ATXN1: variants seen among roughly 807,000 people sequenced by gnomAD.
ATXN1 encodes the protein ataxin 1, also known as ataxin-1.
A neutral mutation model predicts 56.4 loss-of-function variants in ATXN1; 8 were observed. The observed-to-expected ratio is 0.14, with a 90% CI of 0.08 to 0.26. ATXN1 has a LOEUF of 0.26. ATXN1 is among the 10% of genes least tolerant of loss of function. The pLI is 1.00. For synonymous variants in ATXN1, 514 were observed against 494.6 expected (o/e 1.04, Z -0.52); for missense variants, 987 against 1,106.5 (o/e 0.89, Z 1.53).
At chr6:16,679,323 G>T (rs971948514) in intron 2 of ATXN1, among the ~76,000 whole-genome samples, 41 of 148,728 alleles carry the variant, frequency 2.8e-4, no homozygotes, top group Admixed American at 6.1e-4. Flanking sequence ...TGGATATATG[G>T]GTGGGTGGAT....
intron 4 of ATXN1, among the ~76,000 whole-genome samples, chr6:16,559,068 T>C (rs1390231467): frequency 6.6e-6 from 1 of 152,182 alleles, no homozygotes; most frequent in Non-Finnish European, 1.5e-5. Context: ...GAAACCCATA[T>C]TAAAGCTACT....
intron 4 of ATXN1, among the ~76,000 whole-genome samples, chr6:16,547,692 T>C (rs1761840260): frequency 6.6e-6 from 1 of 152,170 alleles, no homozygotes; most frequent in South Asian, 2.1e-4. Context: ...CCGGATATCT[T>C]TGGTGTTTCT....
intron 6 of ATXN1, among the ~76,000 whole-genome samples, chr6:16,384,463 A>T (rs1758196993): frequency 6.6e-6 from 1 of 152,214 alleles, no homozygotes; most frequent in African/African-American, 2.4e-5. Context: ...GTGATCACCA[A>T]CTGCCTACTA....
At chr6:16,504,739 C>T (rs551384765) in intron 5 of ATXN1, among the ~76,000 whole-genome samples, 45 of 152,226 alleles carry the variant, frequency 3.0e-4, no homozygotes, top group Non-Finnish European at 4.9e-4. Context: ...GACCTCTCCA[C>T]GGCGCTCAGC....
chr6:16,430,360 A>G (rs1016446136), intron 6 of ATXN1, among the ~76,000 whole-genome samples: 2 of 152,122 alleles, frequency 1.3e-5, no homozygotes, highest in African/African-American at 4.8e-5. Context: ...AAAGGGAAAG[A>G]AAAAGAACAC....
intron 6 of ATXN1, among the ~76,000 whole-genome samples, chr6:16,345,040 TTCTTA>T (rs1752390609): frequency 6.6e-6 from 1 of 152,232 alleles, no homozygotes; most frequent in African/African-American, 2.4e-5. Context: ...TTGGTTACTG[TTCTTA>T]TCTTGTGTCC....
chr6:16,504,511 C>G (rs764688996), intron 5 of ATXN1, among the ~76,000 whole-genome samples: 3 of 152,116 alleles, frequency 2.0e-5, no homozygotes, highest in South Asian at 2.1e-4. Context: ...AGTGACACTA[C>G]AGAAATCAAA....
At chr6:16,351,532 T>C (rs1333292300) in intron 6 of ATXN1, among the ~76,000 whole-genome samples, 1 of 152,084 alleles carries the variant, frequency 6.6e-6, no homozygotes, top group African/African-American at 2.4e-5. Context: ...CCTCTTGAGT[T>C]GCTGGGACTA....
At chr6:16,313,927 G>A (rs1385936427) in intron 7 of ATXN1, among the ~76,000 whole-genome samples, 2 of 152,118 alleles carry the variant, frequency 1.3e-5, no homozygotes, top group Admixed American at 6.5e-5. Flanking sequence ...TCACTTCAAA[G>A]GCTTCTCTTT....
At chr6:16,543,885 A>G (rs559203592) in intron 4 of ATXN1, among the ~76,000 whole-genome samples, 1 of 88,888 alleles carries the variant, frequency 1.1e-5, no homozygotes, top group East Asian at 4.8e-4. Context: ...CAACAAAAGT[A>G]ACAGGGTTGT....
intron 3 of ATXN1, among the ~76,000 whole-genome samples, chr6:16,636,941 T>C (rs1287057256): frequency 6.6e-6 from 1 of 152,198 alleles, no homozygotes; most frequent in Non-Finnish European, 1.5e-5. Context: ...AGTGTGGCGA[T>C]TCCTCAAGGA....
intron 7 of ATXN1, among the ~76,000 whole-genome samples, chr6:16,325,604 C>T (rs1199140306): frequency 6.6e-6 from 1 of 152,090 alleles, no homozygotes; most frequent in Non-Finnish European, 1.5e-5. Flanking sequence ...CCTGACCCAC[C>T]TGGGGCTTCC....
intron 6 of ATXN1, among the ~76,000 whole-genome samples, chr6:16,454,254 C>T (rs1759822181): frequency 6.6e-6 from 1 of 151,916 alleles, no homozygotes; most frequent in Non-Finnish European, 1.5e-5. Flanking sequence ...GACAAAATCC[C>T]TGCCATCAGA....
chr6:16,320,490 T>C (rs1305829875), intron 7 of ATXN1, among the ~76,000 whole-genome samples: 1 of 152,138 alleles, frequency 6.6e-6, no homozygotes, highest in Admixed American at 6.5e-5. Flanking sequence ...CCAGAGCACT[T>C]TACCAATACA....
At chr6:16,427,006 A>T (rs1480395093) in intron 6 of ATXN1, among the ~76,000 whole-genome samples, 2 of 151,964 alleles carry the variant, frequency 1.3e-5, no homozygotes, top group African/African-American at 4.8e-5. Context: ...CTCACCAATA[A>T]AGTCTATTCT....
chr6:16,440,648 A>AAAAAAAAAAAAAAAAAGAAAGAAAG (rs748929817), intron 6 of ATXN1, among the ~76,000 whole-genome samples: 327 of 118,408 alleles, frequency 2.8e-3, no homozygotes, highest in Middle Eastern at 3.9e-3. Flanking sequence ...CTTAAAAAAA[A>AAAAAAAAAAAAAAAAAGAAAGAAAG]AAAAGAAAAG....
chr6:16,531,205 G>A (rs903403825), intron 4 of ATXN1, among the ~76,000 whole-genome samples: 2 of 152,160 alleles, frequency 1.3e-5, no homozygotes, highest in African/African-American at 2.4e-5. Flanking sequence ...TCTACGTTTC[G>A]GGGCAGGTCC....
At chr6:16,420,883 T>C (rs1759018291) in intron 6 of ATXN1, among the ~76,000 whole-genome samples, 1 of 152,194 alleles carries the variant, frequency 6.6e-6, no homozygotes, top group Non-Finnish European at 1.5e-5. Flanking sequence ...AGACTTAAAC[T>C]GCTAAGAGAC....
rs1295594379 is a variant in ATXN1, at chr6:16,486,021, T to C, written c.-210A>G. 1.3e-5 allele frequency: 2 copies of C among 152,164 alleles called. No homozygotes were observed. The highest frequency in any genetic ancestry group is 2.1e-4 in the South Asian group (1 of 4,820). The allele number at this position is 152,164 out of a possible 1,614,324, so 9.4% of individuals were successfully genotyped here. On this transcript the variant is annotated 5_prime_UTR_variant, in exon 6 of 8. The change abolishes an upstream ATG in the 5' untranslated region. Coordinates refer to ENST00000436367, the MANE Select transcript of ATXN1 (RefSeq NM_001128164.2). ...GGTAGCCTCAGCCTATACTTCACCA[T>C]GGAGACTTCCCACAGGCTCTGGAGG...
Sources: allele counts gnomAD v4.1 joint callset (sites outside exome capture counted in the v4.1 genomes callset), GRCh38; gene constraint gnomAD v4.1.1; transcripts MANE v1.5; gene names NCBI Gene and HGNC (gene_info 2026-07-23, HGNC 2026-07-21).